The following PRR11 variants were observed in gnomAD, a reference collection of about 807,000 sequenced individuals.
The protein encoded by PRR11 is proline-rich protein 11.
In PRR11, 30 loss-of-function variants were observed where a neutral mutation model predicts 45.6. The ratio of observed to expected loss-of-function variants is 0.66; its 90% confidence interval spans 0.49 to 0.89. PRR11 has a LOEUF of 0.89. Ranked by LOEUF, PRR11 falls within the 40% of genes least tolerant of loss-of-function variation. PRR11 has a pLI of 0.00. For synonymous variants in PRR11, 128 were observed against 153.5 expected, an observed-to-expected ratio of 0.83 and a Z score of 1.23; for missense variants, 373 against 424.8, an observed-to-expected ratio of 0.88 and a Z score of 1.07.
At chr17:59,172,783 C>T (rs2046717527) in intron 2 of PRR11, among the ~76,000 whole-genome samples, 1 of 152,260 alleles carries the variant, frequency 6.6e-6, no homozygotes, top group Non-Finnish European at 1.5e-5. Context: ...GGACCTGCAG[C>T]CCGCCATGCC....
At chr17:59,184,801 CT>C (rs1461444346) in intron 2 of PRR11, among the ~76,000 whole-genome samples, 13 of 150,678 alleles carry the variant, frequency 8.6e-5, no homozygotes, top group African/African-American at 2.7e-4. Context: ...ATCTTCAAAC[CT>C]GGTTTGCATA....
chr17:59,166,476 T>C (rs1287963827), intron 1 of PRR11, among the ~76,000 whole-genome samples: 1 of 152,188 alleles, frequency 6.6e-6, no homozygotes, highest in Non-Finnish European at 1.5e-5. Flanking sequence ...TGTTTTGTTT[T>C]TTCATTTTGT....
chr17:59,184,820 C>T (rs1305251281), intron 2 of PRR11, among the ~76,000 whole-genome samples: 1 of 147,928 alleles, frequency 6.8e-6, no homozygotes, highest in African/African-American at 2.5e-5. Context: ...ATATTCTTCT[C>T]TCTTCTGGCA....
chr17:59,173,557 G>A (rs958035794), intron 2 of PRR11, among the ~76,000 whole-genome samples: 5 of 152,192 alleles, frequency 3.3e-5, no homozygotes, highest in Admixed American at 1.3e-4. Flanking sequence ...CACTCACCGC[G>A]AAGGTCTGCA....
intron 7 of PRR11, among the ~76,000 whole-genome samples, chr17:59,195,785 T>C (rs572801539): frequency 6.6e-6 from 1 of 152,122 alleles, no homozygotes; most frequent in East Asian, 1.9e-4. Context: ...AGATATACTA[T>C]CAAGAATTTT....
intron 1 of PRR11, among the ~76,000 whole-genome samples, chr17:59,163,296 T>C (rs540365832): frequency 6.6e-6 from 1 of 152,082 alleles, no homozygotes; most frequent in East Asian, 1.9e-4. Flanking sequence ...TTGGCCAGGC[T>C]GGTCTCAAAC....
intron 4 of PRR11, 51 bp from the exon 5 acceptor site, chr17:59,193,441 A>G: frequency 6.2e-7 from 1 of 1,607,234 alleles, no homozygotes. Context: ...CTCACCCTCA[A>G]GAATCAAATT....
At chr17:59,177,024 A>G in intron 2 of PRR11, 1 of 401,736 alleles carries the variant, frequency 2.5e-6, no homozygotes, top group Non-Finnish European at 4.9e-6. Flanking sequence ...ACAGCAGTCT[A>G]AAAACAAGAT....
At chr17:59,174,190 GA>G (rs1939092267) in intron 2 of PRR11, among the ~76,000 whole-genome samples, 1 of 152,164 alleles carries the variant, frequency 6.6e-6, no homozygotes, top group Admixed American at 6.5e-5. Flanking sequence ...TCTGCCCAGG[GA>G]GTAGGGCACC....
rs183932870 is a variant in PRR11, at chr17:59,163,890, C to A, written c.-5-5858C>A. 3.6e-3 allele frequency among the ~76,000 whole-genome samples: 554 copies of A among 152,148 alleles called. 9 individuals are homozygous for A. The highest frequency in any genetic ancestry group is 0.013 in the African/African-American group (519 of 41,504). ...GACCAGCCTGGCCAAGATGGGGAAA[C>A]CCCGTCTCTACTAAAAATACAAAAC... On this transcript the variant is annotated intron_variant, in intron 1 of 9. Transcript: ENST00000262293.
chr17:59,164,277 G>A (rs2046668396), intron 1 of PRR11, among the ~76,000 whole-genome samples: 8 of 152,132 alleles, frequency 5.3e-5, no homozygotes, highest in Admixed American at 5.2e-4. Context: ...GTTGACCCCT[G>A]TCCTAAGCTT....
chr17:59,179,712 G>C (rs1280337975), intron 2 of PRR11: 1 of 1,433,080 alleles, frequency 7.0e-7, no homozygotes, highest in Admixed American at 1.7e-5. Context: ...CATTGCTTCA[G>C]CTTCATCTTG....
intron 9 of PRR11, among the ~76,000 whole-genome samples, chr17:59,200,324 G>A (rs563134590): frequency 4.7e-4 from 72 of 152,306 alleles, no homozygotes; most frequent in Non-Finnish European, 9.0e-4. Context: ...GCAGAGTGTA[G>A]TGGCTCATAC....
intron 2 of PRR11, chr17:59,177,378 T>C (rs755587025): frequency 4.6e-5 from 24 of 516,956 alleles, no homozygotes; most frequent in Non-Finnish European, 6.3e-5. Flanking sequence ...AGTGTTGGGG[T>C]GACTGTGCTC....
chr17:59,188,966 T>TAATAATAAC (rs1309560970), intron 4 of PRR11, among the ~76,000 whole-genome samples: 4 of 149,030 alleles, frequency 2.7e-5, no homozygotes, highest in African/African-American at 9.8e-5. Context: ...ATAATAATAA[T>TAATAATAAC]AATAATAATA....
intron 2 of PRR11, among the ~76,000 whole-genome samples, chr17:59,170,978 G>C (rs1446313289): frequency 6.6e-6 from 1 of 152,088 alleles, no homozygotes; most frequent in Non-Finnish European, 1.5e-5. Flanking sequence ...AGTAACACAC[G>C]GCCAGGCGCG....
intron 1 of PRR11, among the ~76,000 whole-genome samples, chr17:59,162,279 T>A (rs574745678): frequency 6.6e-6 from 1 of 151,302 alleles, no homozygotes; most frequent in East Asian, 1.9e-4. Flanking sequence ...GAAAGAAATA[T>A]GACTTAGTTC....
Position 59,173,471 on chromosome 17 carries a change from A to C in PRR11, c.128+3591A>C, listed in dbSNP as rs191948052. 1.2e-3 allele frequency among the ~76,000 whole-genome samples: 179 copies of C among 152,260 alleles called. 1 individual carries two copies. Among genetic ancestry groups the C allele is most frequent in the Admixed American group, 7.8e-3 (119 of 15,292 alleles). ...ACTCACCATGAAGGTCTGCAGCTTCACTTCTGAAGCCAGTGAGACCACGAA... is the reference window on the plus strand; with the variant it reads ...ACTCACCATGAAGGTCTGCAGCTTCCCTTCTGAAGCCAGTGAGACCACGAA... On this transcript the variant is annotated intron_variant, in intron 2 of 9. Transcript: ENST00000262293.
rs577964991 is a variant in PRR11 at position 59,203,808 on chromosome 17, G to C, written c.*2177G>C. The C allele has an allele frequency of 6.2e-4, 92 of 149,554 alleles. No individual in the cohort carries two copies. Among genetic ancestry groups the C allele is most frequent in the African/African-American group, 1.8e-3 (72 of 40,472 alleles). The allele number at this position is 149,554 out of a possible 1,614,324, so 9.3% of individuals were successfully genotyped here. A position where few individuals can be genotyped will look rare whatever the true frequency, so the allele number is the denominator to read the frequency against. Reference sequence around the variant, plus strand: ...GATTGCAACACTGCCACTCCAGCCTGGGTGACAGAGCAAGAGACCCTGTCT... The same window carrying C: ...GATTGCAACACTGCCACTCCAGCCTCGGTGACAGAGCAAGAGACCCTGTCT... On this transcript the variant is annotated 3_prime_UTR_variant, in exon 10 of 10. Coordinates refer to ENST00000262293, the MANE Select transcript of PRR11 (RefSeq NM_018304.4).
Sources: allele counts gnomAD v4.1 joint callset (sites outside exome capture counted in the v4.1 genomes callset), GRCh38; gene constraint gnomAD v4.1.1; transcripts MANE v1.5; gene names NCBI Gene and HGNC (gene_info 2026-07-23, HGNC 2026-07-21).